The following GLG1 variants were observed in gnomAD, a reference collection of about 807,000 sequenced individuals.
The protein encoded by GLG1 is Golgi apparatus protein 1.
In GLG1, 38 loss-of-function variants were observed where a neutral mutation model predicts 160.5. That is an observed-to-expected ratio of 0.24 (90% CI 0.18 to 0.31). The LOEUF (loss-of-function observed/expected upper bound fraction) is 0.31, where lower values mean the gene tolerates loss of function less well. Among genes scored for constraint, GLG1 ranks in the 10% least tolerant of loss-of-function variants. The probability of loss-of-function intolerance (pLI) is 1.00; values close to 1 mark genes in which losing one functional copy is unlikely to be tolerated. For missense variants in GLG1, 1,373 were observed against 1,505.2 expected (o/e 0.91, Z 1.45); for synonymous variants, 644 against 543.4 (o/e 1.19, Z -2.57).
Position 74,457,294 on chromosome 16 carries a change from G to A in GLG1, c.3266-539C>T, listed in dbSNP as rs140442647. On this transcript the variant is annotated intron_variant, in intron 24 of 25. Transcript: ENST00000422840. Reference sequence around the variant, plus strand: ...TGCCTGTAGTCTCAGTTACTCAGGAGGTTAAGGTGGGAAAATCACTTGAAC... The same window carrying A: ...TGCCTGTAGTCTCAGTTACTCAGGAAGTTAAGGTGGGAAAATCACTTGAAC... 7.2e-5 allele frequency among the ~76,000 whole-genome samples: 11 copies of A among 152,254 alleles called. No individual in the cohort carries two copies. The East Asian group carries it at 2.1e-3, about 29-fold the overall frequency.
rs764253656 is a variant in GLG1 at position 74,469,025 on chromosome 16, T to C, written c.2357A>G (p.Asn786Ser). The C allele has an allele frequency of 4.1e-5, 66 of 1,614,024 alleles. No homozygotes were observed. The highest frequency in any genetic ancestry group is 8.0e-5 in the African/African-American group (6 of 74,938). Residue 786 changes from asparagine (N) to serine (S), a missense_variant, in exon 17 of 26, where the codon AAT becomes AGT. By Grantham distance (46) the Asn-to-Ser change is conservative (BLOSUM62 1). Transcript: ENST00000422840. ...CTCCTTGGCTTCCTGCAGAGTGTCA[T>C]TGCGCACGGTCGTGCTCAGGCAGAT... The part of the protein sequence containing the change: ...VVICLSTTVR[N>S]DTLQEAKEHR...
Position 74,474,625 on chromosome 16 carries a change from T to C in GLG1, c.1973A>G (p.Glu658Gly). The C allele has an allele frequency of 6.5e-7, 1 of 1,528,174 alleles. No individual in the cohort carries two copies. Among genetic ancestry groups the C allele is most frequent in the Non-Finnish European group, 9.1e-7 (1 of 1,101,478 alleles). 94.7% of individuals were successfully genotyped at this position (1,528,174 alleles called of 1,614,324 possible). The change falls in exon 13 of 26, where the codon GAG (glutamate) becomes GGG (glycine). Residue 658 changes from glutamate to glycine, a missense_variant. Physicochemically the swap from Glu to Gly is moderately conservative, Grantham distance 98. Around this residue, in one of 4 missense-constraint regions of GLG1, gnomAD observed 386 missense variants for 388.5 expected, o/e 0.99. Transcript: ENST00000422840. ...SEKTETGQEL[E>G]CLQDHLDDLV... is the part of the protein sequence containing the mutation. ...GTCATCCAGATGGTCCTGAAGGCAC[T>C]CCAGCTCCTGCAAATATAAAGGCAA...
chr16:74,465,998 C>G (rs2014986038), intron 18 of GLG1, among the ~76,000 whole-genome samples, 185 bp from the exon 19 acceptor site: 1 of 152,124 alleles, frequency 6.6e-6, no homozygotes, highest in African/African-American at 2.4e-5. Context: ...ACAGCAAACC[C>G]AACTAGACAA....
chr16:74,484,505 G>A (rs900269182), intron 9 of GLG1, among the ~76,000 whole-genome samples: 2 of 151,932 alleles, frequency 1.3e-5, no homozygotes, highest in Non-Finnish European at 2.9e-5. Flanking sequence ...GCTCACACCT[G>A]TAATCCCAAC....
chr16:74,458,078 T>A, intron 23 of GLG1, 84 bp from the exon 24 acceptor site: 1 of 1,351,038 alleles, frequency 7.4e-7, no homozygotes, highest in Admixed American at 1.9e-5. Flanking sequence ...CATATACTAA[T>A]AAAAAAGGGG....
At chr16:74,510,409 C>A (rs570319130) in intron 2 of GLG1, among the ~76,000 whole-genome samples, 1 of 152,272 alleles carries the variant, frequency 6.6e-6, no homozygotes, top group East Asian at 1.9e-4. Context: ...CAGATAATGA[C>A]TAAATATTAC....
intron 9 of GLG1, 96 bp from the exon 10 acceptor site, chr16:74,483,220 T>C: frequency 1.4e-6 from 1 of 730,454 alleles, no homozygotes; most frequent in South Asian, 1.6e-5. Context: ...CGGCTTTTAG[T>C]TATTTTCTTA....
At chr16:74,541,332 A>T (rs2017862114) in intron 1 of GLG1, among the ~76,000 whole-genome samples, 1 of 151,718 alleles carries the variant, frequency 6.6e-6, no homozygotes. Flanking sequence ...TCCAAAAAAA[A>T]AAAAAAAAAA....
intron 12 of GLG1, among the ~76,000 whole-genome samples, chr16:74,476,434 A>C (rs1040969053): frequency 2.0e-5 from 3 of 152,224 alleles, no homozygotes; most frequent in Non-Finnish European, 4.4e-5. Flanking sequence ...TATGCTCAAC[A>C]GACCTGAGTA....
chr16:74,560,682 T>C (rs1400124337), intron 1 of GLG1, among the ~76,000 whole-genome samples: 1 of 151,990 alleles, frequency 6.6e-6, no homozygotes. Context: ...CAACTAATTG[T>C]AAGAAAAATT....
chr16:74,509,848 CAAAA>C (rs34364918), intron 2 of GLG1, among the ~76,000 whole-genome samples: 2 of 114,694 alleles, frequency 1.7e-5, no homozygotes, highest in Non-Finnish European at 3.7e-5. Flanking sequence ...GACTCTGTCT[CAAAA>C]AAAAAAAAAA....
intron 18 of GLG1, among the ~76,000 whole-genome samples, chr16:74,466,927 G>A (rs1401606702): frequency 6.6e-6 from 1 of 152,144 alleles, no homozygotes; most frequent in Non-Finnish European, 1.5e-5. Context: ...AGTTCCAGAA[G>A]GAAGGAAAGG....
intron 17 of GLG1, chr16:74,468,226 C>CTTTTTTTTTTTTTTTTTTTTTT (rs201829157): frequency 1.2e-5 from 1 of 83,312 alleles, no homozygotes; most frequent in African/African-American, 5.2e-5. Flanking sequence ...CTTGAAATGT[C>CTTTTTTTTTTTTTTTTTTTTTT]TTTTTTTTTT....
intron 1 of GLG1, among the ~76,000 whole-genome samples, chr16:74,593,930 A>G (rs1047008824): frequency 2.0e-5 from 3 of 151,902 alleles, no homozygotes; most frequent in African/African-American, 7.2e-5. Flanking sequence ...TTTTTTTGAG[A>G]CAGAGTCTCA....
At chr16:74,461,925 T>G in intron 22 of GLG1, 169 bp downstream of exon 22, 1 of 554,184 alleles carries the variant, frequency 1.8e-6, no homozygotes, top group Non-Finnish European at 3.2e-6. Flanking sequence ...AATGCCAAGT[T>G]GAATTCAGTG....
chr16:74,476,347 A>G (rs759806789), intron 12 of GLG1, among the ~76,000 whole-genome samples: 5 of 152,218 alleles, frequency 3.3e-5, no homozygotes, highest in Admixed American at 6.5e-5. Flanking sequence ...AGAAAGCTCA[A>G]CTATAAGCAT....
At chr16:74,487,944 T>C (rs910916382) in intron 8 of GLG1, among the ~76,000 whole-genome samples, 3 of 152,222 alleles carry the variant, frequency 2.0e-5, no homozygotes, top group East Asian at 1.9e-4. Context: ...CTGGCATGCC[T>C]AGGAAAACCT....
In GLG1 at chr16:74,453,060, G is replaced by A. The variant is rs547367992; in HGVS notation, c.*107C>T. The A allele has an allele frequency of 4.3e-5, 65 of 1,515,366 alleles. No individual in the cohort carries two copies. Among genetic ancestry groups the A allele is most frequent in the Admixed American group, 8.4e-5 (4 of 47,850 alleles). The allele number at this position is 1,515,366 out of a possible 1,614,324, so 93.9% of individuals were successfully genotyped here. A position where few individuals can be genotyped will look rare whatever the true frequency, so the allele number is the denominator to read the frequency against. On this transcript the variant is annotated 3_prime_UTR_variant, in exon 26 of 26. Transcript: ENST00000422840. ...TGGACATCTGCTAATGCTCTAACAC[G>A]GGGTTGGTGTCACTTCTGAGAAGAG...
At chr16:74,604,491 C>A (rs758287377) in intron 1 of GLG1, among the ~76,000 whole-genome samples, 11 of 152,252 alleles carry the variant, frequency 7.2e-5, no homozygotes, top group Non-Finnish European at 1.6e-4. Context: ...CTCATATGCT[C>A]TGCCTTTTCA....
Sources: allele counts gnomAD v4.1 joint callset (sites outside exome capture counted in the v4.1 genomes callset), GRCh38; gene constraint gnomAD v4.1.1; regional missense constraint gnomAD v4.1.1; transcripts MANE v1.5; gene names NCBI Gene and HGNC (gene_info 2026-07-23, HGNC 2026-07-21).